The following SGCD variants were observed in gnomAD, a reference collection of about 807,000 sequenced individuals.
The protein encoded by SGCD is sarcoglycan delta, also known as delta-sarcoglycan.
A neutral mutation model predicts 36.6 loss-of-function variants in SGCD; 18 were observed. That is an observed-to-expected ratio of 0.49 (90% confidence interval 0.34 to 0.73). The LOEUF is 0.73. Among genes scored for constraint, SGCD ranks in the 30% least tolerant of loss-of-function variants. The pLI is 0.01. For synonymous variants in SGCD, 133 were observed against 130.6 expected, an observed-to-expected ratio of 1.02 and a Z score of -0.12; for missense variants, 387 against 346.7, an observed-to-expected ratio of 1.12 and a Z score of -0.92.
At chr5:155,947,263 A>G (rs1311559040) in intron 1 of SGCD, among the ~76,000 whole-genome samples, 1 of 150,382 alleles carries the variant, frequency 6.6e-6, no homozygotes, top group Non-Finnish European at 1.5e-5. Context: ...TGACGCTCAC[A>G]TTGTTAGCTT....
intron 1 of SGCD, among the ~76,000 whole-genome samples, chr5:156,074,774 A>G (rs2127589621): frequency 6.6e-6 from 1 of 152,376 alleles, no homozygotes; most frequent in Middle Eastern, 3.4e-3. Flanking sequence ...TACTTTGCAC[A>G]ATAAAATAGG....
chr5:156,167,781 G>T (rs80323348), intron 3 of SGCD, among the ~76,000 whole-genome samples: 4,246 of 152,206 alleles, frequency 0.028, 170 homozygotes, highest in African/African-American at 0.086. Flanking sequence ...ATAAAACCAA[G>T]CAGATGCTGG....
At chr5:155,738,054 A>T in the SGCD span, among the ~76,000 whole-genome samples, 1 of 152,082 alleles carries the variant, frequency 6.6e-6, no homozygotes, top group Non-Finnish European at 1.5e-5. Context: ...TAATCCCTCT[A>T]TATGTCTCTC....
chr5:156,480,630 A>G (rs191166737), intron 3 of SGCD, among the ~76,000 whole-genome samples: 3 of 152,318 alleles, frequency 2.0e-5, no homozygotes, highest in East Asian at 3.9e-4. Context: ...CCGTTATAGT[A>G]AGTGTTCTAA....
At chr5:156,743,395 A>G (rs1756788070) in intron 7 of SGCD, among the ~76,000 whole-genome samples, 1 of 152,174 alleles carries the variant, frequency 6.6e-6, no homozygotes, top group African/African-American at 2.4e-5. Context: ...TACAGGCATG[A>G]ACCACCGCGC....
intron 1 of SGCD, among the ~76,000 whole-genome samples, chr5:155,973,787 C>A (rs964193353): frequency 1.3e-5 from 2 of 152,142 alleles, no homozygotes; most frequent in East Asian, 3.9e-4. Context: ...CAGTTCCTTT[C>A]TCTCTAAAAT....
chr5:155,842,872 A>T, the SGCD span, among the ~76,000 whole-genome samples: 1 of 152,340 alleles, frequency 6.6e-6, no homozygotes, highest in Admixed American at 6.5e-5. Flanking sequence ...TTTTAATATC[A>T]GGGCATCATC....
At chr5:156,275,989 G>C (rs1489226974) in intron 3 of SGCD, among the ~76,000 whole-genome samples, 1 of 152,054 alleles carries the variant, frequency 6.6e-6, no homozygotes, top group Non-Finnish European at 1.5e-5. Context: ...TCAGTTTCGG[G>C]TATTATGTCT....
chr5:156,355,113 C>A (rs137870435), intron 3 of SGCD, among the ~76,000 whole-genome samples: 18 of 152,334 alleles, frequency 1.2e-4, no homozygotes, highest in African/African-American at 3.8e-4. Context: ...CAGTTTATTT[C>A]CATCATCACA....
chr5:156,763,760 T>A lies in SGCD; in HGVS notation c.*4370T>A, dbSNP rs1054147938. 1 of 151,790 alleles carries A rather than the reference T, an allele frequency of 6.6e-6. No homozygotes were observed. Among genetic ancestry groups the A allele is most frequent in the Non-Finnish European group, 1.5e-5 (1 of 67,956 alleles). The allele number at this position is 151,790 out of a possible 1,614,324, so 9.4% of individuals were successfully genotyped here. On this transcript the variant is annotated 3_prime_UTR_variant, in exon 9 of 9. Transcript: ENST00000337851. ...TCAGCTAGGGATGACTCTGGAAGTA[T>A]GAGTATCATGGTGGGGAGGAAGGAA...
intron 3 of SGCD, among the ~76,000 whole-genome samples, chr5:156,356,514 A>G (rs937464160): frequency 1.3e-5 from 2 of 152,200 alleles, no homozygotes; most frequent in African/African-American, 4.8e-5. Flanking sequence ...CCAGACTCAG[A>G]AGTCAGATTG....
intron 3 of SGCD, among the ~76,000 whole-genome samples, chr5:156,481,433 T>A (rs755861926): frequency 6.6e-6 from 1 of 152,236 alleles, no homozygotes; most frequent in African/African-American, 2.4e-5. Flanking sequence ...CTAAATCTTA[T>A]GACTTTTCAA....
the SGCD span, among the ~76,000 whole-genome samples, chr5:155,791,386 A>G: frequency 1.3e-5 from 2 of 152,172 alleles, no homozygotes; most frequent in African/African-American, 4.8e-5. Context: ...ACGCTTATTC[A>G]ACATAGTACT....
chr5:155,997,487 C>T (rs1758576164), intron 1 of SGCD, among the ~76,000 whole-genome samples: 1 of 152,174 alleles, frequency 6.6e-6, no homozygotes, highest in Non-Finnish European at 1.5e-5. Context: ...AATAATGATC[C>T]TGAAAGTGAG....
intron 1 of SGCD, among the ~76,000 whole-genome samples, chr5:155,883,780 A>G (rs959615424): frequency 7.2e-6 from 1 of 139,600 alleles, no homozygotes; most frequent in Non-Finnish European, 1.5e-5. Flanking sequence ...GGTTACCACA[A>G]ACCTTCAATT....
At chr5:156,648,504 A>G (rs992929886) in intron 7 of SGCD, among the ~76,000 whole-genome samples, 2 of 152,174 alleles carry the variant, frequency 1.3e-5, no homozygotes, top group African/African-American at 4.8e-5. Flanking sequence ...TGGAAAATGT[A>G]TCACCTCATT....
At chr5:155,919,265 A>G (rs1302089654) in intron 1 of SGCD, among the ~76,000 whole-genome samples, 1 of 152,256 alleles carries the variant, frequency 6.6e-6, no homozygotes, top group East Asian at 1.9e-4. Context: ...TCCCAAGGTC[A>G]CATTGCTAGT....
chr5:156,457,946 C>A (rs1158892840), intron 3 of SGCD, among the ~76,000 whole-genome samples: 1 of 152,098 alleles, frequency 6.6e-6, no homozygotes, highest in African/African-American at 2.4e-5. Context: ...AGGACCTTTC[C>A]CAGCTATGCT....
intron 1 of SGCD, among the ~76,000 whole-genome samples, chr5:156,067,654 C>G (rs1035459305): frequency 1.7e-5 from 2 of 114,456 alleles, no homozygotes; most frequent in Non-Finnish European, 3.2e-5. Context: ...TGCGCCGTTT[C>G]TTAAGCCGGT....
Sources: allele counts gnomAD v4.1 joint callset (sites outside exome capture counted in the v4.1 genomes callset), GRCh38; gene constraint gnomAD v4.1.1; transcripts MANE v1.5; gene names NCBI Gene and HGNC (gene_info 2026-07-23, HGNC 2026-07-21).